WDR7: variants seen among roughly 807,000 people sequenced by gnomAD.
WDR7 encodes the protein WD repeat-containing protein 7.
WDR7 carries 46 observed loss-of-function variants against 169.4 expected under a neutral mutation model. That is an observed-to-expected ratio of 0.27 (90% CI 0.21 to 0.35). The LOEUF (loss-of-function observed/expected upper bound fraction) is 0.35. WDR7 is among the 10% of genes least tolerant of loss of function. WDR7 has a pLI of 1.00. For synonymous variants in WDR7, 612 were observed against 666.8 expected, an observed-to-expected ratio of 0.92 and a Z score of 1.27; for missense variants, 1,534 against 1,859.3, an observed-to-expected ratio of 0.83 and a Z score of 3.22.
At chr18:56,693,274 G>T (rs994320954) in intron 9 of WDR7, among the ~76,000 whole-genome samples, 1 of 152,032 alleles carries the variant, frequency 6.6e-6, no homozygotes, top group Admixed American at 6.6e-5. Flanking sequence ...TAATATTCCA[G>T]TATTTGTGAA....
At chr18:56,809,480 T>C (rs2044832458) in intron 19 of WDR7, among the ~76,000 whole-genome samples, 1 of 152,160 alleles carries the variant, frequency 6.6e-6, no homozygotes, top group Non-Finnish European at 1.5e-5. Context: ...AGCTCACTTA[T>C]GTCAAGTACA....
At chr18:56,998,833 T>C (rs1015024359) in intron 26 of WDR7, among the ~76,000 whole-genome samples, 1 of 152,212 alleles carries the variant, frequency 6.6e-6, no homozygotes, top group Admixed American at 6.5e-5. Context: ...TTATTCTACT[T>C]ATAAAATGAG....
At chr18:56,846,150 G>A (rs962945236) in intron 20 of WDR7, among the ~76,000 whole-genome samples, 11 of 152,286 alleles carry the variant, frequency 7.2e-5, no homozygotes, top group African/African-American at 2.4e-4. Flanking sequence ...GAGATTATGT[G>A]ATAAGGTTTG....
chr18:56,886,767 A>C (rs989374280), intron 21 of WDR7, among the ~76,000 whole-genome samples: 3 of 152,210 alleles, frequency 2.0e-5, no homozygotes, highest in African/African-American at 7.2e-5. Context: ...ACTTAAGCTA[A>C]AGCGGATATC....
intron 14 of WDR7, among the ~76,000 whole-genome samples, chr18:56,744,920 G>A (rs1238360796): frequency 6.6e-6 from 1 of 152,154 alleles, no homozygotes; most frequent in Non-Finnish European, 1.5e-5. Flanking sequence ...GACCCAGTGT[G>A]CATGGCCATG....
At chr18:56,786,453 C>T (rs2044401481) in intron 19 of WDR7, among the ~76,000 whole-genome samples, 2 of 151,512 alleles carry the variant, frequency 1.3e-5, no homozygotes, top group Admixed American at 1.3e-4. Context: ...TGCTTGAACC[C>T]GGGAGGCAGA....
At chr18:56,945,945 G>A (rs2047096966) in intron 25 of WDR7, among the ~76,000 whole-genome samples, 1 of 152,140 alleles carries the variant, frequency 6.6e-6, no homozygotes, top group Admixed American at 6.5e-5. Context: ...CTAAGGAAAT[G>A]CCTGAAGATA....
chr18:56,769,535 A>G (rs913813628), intron 16 of WDR7, among the ~76,000 whole-genome samples: 3 of 152,010 alleles, frequency 2.0e-5, no homozygotes, highest in African/African-American at 7.2e-5. Flanking sequence ...CTCTCTATTC[A>G]TTAATCTCAT....
chr18:56,757,233 C>A lies in WDR7; in HGVS notation c.2640C>A (p.Tyr880Ter). Residue 880 changes from tyrosine to a stop codon, truncating the protein, a stop_gained, in exon 15 of 28, where the codon TAC becomes TAA. Coordinates refer to ENST00000254442, the MANE Select transcript of WDR7 (RefSeq NM_015285.3). LOFTEE classifies it high-confidence loss of function. ...PASEGVGKGTYGVSRAVTTQH... is the reference protein window; with the variant it reads ...PASEGVGKGT ...CTGAGGGAGTAGGAAAGGGAACTTA[C>A]GGAGTGTCCCGTGCCGTCACCACAC... The A allele has an allele frequency of 6.2e-7, 1 of 1,614,100 alleles. No homozygotes were observed. The highest frequency in any genetic ancestry group is 8.5e-7 in the Non-Finnish European group (1 of 1,180,012).
chr18:56,761,630 C>A (rs996417334), intron 16 of WDR7, among the ~76,000 whole-genome samples: 4 of 151,778 alleles, frequency 2.6e-5, no homozygotes, highest in African/African-American at 9.7e-5. Flanking sequence ...CTTGATATAT[C>A]TCTGCATTTA....
At chr18:56,841,229 G>T (rs2045481114) in intron 20 of WDR7, among the ~76,000 whole-genome samples, 1 of 151,336 alleles carries the variant, frequency 6.6e-6, no homozygotes. Context: ...TAGAAAAGTT[G>T]TCGTAATTTA....
chr18:56,802,427 G>A (rs2044691092), intron 19 of WDR7, among the ~76,000 whole-genome samples: 1 of 151,520 alleles, frequency 6.6e-6, no homozygotes, highest in African/African-American at 2.4e-5. Context: ...GCATGATCTC[G>A]ACTCACTGCA....
intron 5 of WDR7, 50 bp from the exon 6 acceptor site, chr18:56,685,906 G>A (rs377132728): frequency 9.9e-6 from 14 of 1,410,208 alleles, no homozygotes; most frequent in African/African-American, 5.8e-5. Context: ...TTTAGAAAAA[G>A]CGTATTATGT....
At chr18:56,694,409 G>T (rs1440158652) in intron 9 of WDR7, among the ~76,000 whole-genome samples, 1 of 152,134 alleles carries the variant, frequency 6.6e-6, no homozygotes, top group Non-Finnish European at 1.5e-5. Flanking sequence ...TTCATTCAAT[G>T]TGTGTGTTAT....
At chr18:56,985,735 C>T (rs1242108897) in intron 26 of WDR7, among the ~76,000 whole-genome samples, 26 of 151,692 alleles carry the variant, frequency 1.7e-4, no homozygotes, top group Admixed American at 1.5e-3. Context: ...TGATATATTT[C>T]CTAATCCACA....
intron 26 of WDR7, among the ~76,000 whole-genome samples, chr18:56,966,529 A>G (rs2047412193): frequency 6.6e-6 from 1 of 152,162 alleles, no homozygotes. Flanking sequence ...TATATAACAC[A>G]TATAACATAC....
At position 56,691,275 on chromosome 18, in the gene WDR7, A is replaced by C. The variant is rs747848419; in HGVS notation, c.777A>C (p.Thr259=). 1 of 1,609,846 alleles carries C rather than the reference A, an allele frequency of 6.2e-7. No homozygotes were observed. Among genetic ancestry groups the C allele is most frequent in the East Asian group, 2.2e-5 (1 of 44,560 alleles). The change falls in exon 8 of 28, where the codon ACA becomes ACC. Residue 259 remains threonine, a synonymous_variant. Coordinates refer to ENST00000254442, the MANE Select transcript of WDR7 (RefSeq NM_015285.3). The part of the protein sequence containing the change: ...LCSGPSENGQ[T]WTGGDFVSSD... ...CAGGTCCTAGTGAAAATGGACAGAC[A>C]TGGACCGGGGGGGACTTTGTCTCAT... is the stretch of plus-strand genomic sequence containing the variant.
rs1015121269 is a variant in WDR7, at chr18:56,661,650, C to T, written c.-20+10074C>T. Among the ~76,000 whole-genome samples, 4 of 152,248 alleles carry T rather than the reference C, an allele frequency of 2.6e-5. No individual in the cohort carries two copies. In the East Asian group the frequency reaches 7.7e-4, roughly 29 times the overall value. ...TTGAGAGTACAGTATATTTCTTAAC[C>T]ACCCAAATAAGAAAGTATAATCTTG... On this transcript the variant is annotated intron_variant, in intron 1 of 27. Coordinates refer to ENST00000254442, the MANE Select transcript of WDR7 (RefSeq NM_015285.3).
intron 12 of WDR7, among the ~76,000 whole-genome samples, chr18:56,699,243 T>C (rs505548): frequency 0.92 from 139,902 of 152,214 alleles, 65,431 homozygotes; most frequent in East Asian, 1. Context: ...AAGAGCCTAA[T>C]TGCTTAATAA....
Sources: gnomAD v4.1 joint callset for allele counts (sites outside exome capture counted in the v4.1 genomes callset) on GRCh38, gnomAD v4.1.1 for gene constraint, MANE v1.5 for transcripts, NCBI Gene and HGNC (gene_info 2026-07-23, HGNC 2026-07-21) for gene names.